Variants in IL5RA observed in about 807,000 individuals in gnomAD.
The protein encoded by IL5RA is interleukin 5 receptor subunit alpha.
IL5RA carries 49 observed loss-of-function variants against 50.0 expected under a neutral mutation model. That is an observed-to-expected ratio of 0.98 (90% CI 0.78 to 1.24). The LOEUF is 1.24. Among genes scored for constraint, IL5RA ranks in the 50% most tolerant of loss-of-function variants. The pLI, the probability that IL5RA is intolerant of heterozygous loss-of-function variation, is 0.00. For missense variants in IL5RA, 600 were observed against 500.4 expected (o/e 1.20, Z -1.90); for synonymous variants, 202 against 174.0 (o/e 1.16, Z -1.26).
intron 9 of IL5RA, among the ~76,000 whole-genome samples, chr3:3,090,764 A>C (rs1038377811): frequency 6.6e-6 from 1 of 151,820 alleles, no homozygotes; most frequent in Non-Finnish European, 1.5e-5. Context: ...TAGTAGAGAC[A>C]GGGTTTCACC....
chr3:3,090,344 G>A (rs971254296), intron 9 of IL5RA: 1 of 929,114 alleles, frequency 1.1e-6, no homozygotes, highest in Non-Finnish European at 1.7e-6. Context: ...TCTATGTAAG[G>A]CTCCAGTCTT....
At chr3:3,104,097 G>A (rs182502383) in intron 3 of IL5RA, among the ~76,000 whole-genome samples, 12 of 152,206 alleles carry the variant, frequency 7.9e-5, no homozygotes, top group Non-Finnish European at 1.8e-4. Flanking sequence ...GGAGGGCAGT[G>A]TTGTGCGATC....
At position 3,093,168 on chromosome 3, in the gene IL5RA, C is replaced by T. The variant is rs17879924; in HGVS notation, c.856-806G>A. 3.3e-3 allele frequency among the ~76,000 whole-genome samples: 498 copies of T among 152,274 alleles called. 1 individual carries two copies. The highest frequency in any genetic ancestry group is 0.011 in the African/African-American group (468 of 41,544). On this transcript the variant is annotated intron_variant, in intron 8 of 11. Coordinates refer to ENST00000446632, the MANE Select transcript of IL5RA (RefSeq NM_175726.4). ...TTTTTAGCAAAATCTTATAGAGCCA[C>T]TCTGGGAGAAATCACAATGTCAGAT...
chr3:3,074,685 C>T, intron 11 of IL5RA, 97 bp downstream of exon 11: 1 of 667,806 alleles, frequency 1.5e-6, no homozygotes, highest in South Asian at 1.9e-5. Context: ...GAGTAAAAAC[C>T]CTGCCTTATA....
At chr3:3,072,144 G>A (rs1702321492) in intron 11 of IL5RA, among the ~76,000 whole-genome samples, 1 of 152,210 alleles carries the variant, frequency 6.6e-6, no homozygotes, top group Non-Finnish European at 1.5e-5. Flanking sequence ...TTTTGTCCTT[G>A]GACGTGGAGG....
intron 1 of IL5RA, among the ~76,000 whole-genome samples, chr3:3,109,185 T>C (rs1704069624): frequency 1.3e-5 from 2 of 152,172 alleles, no homozygotes; most frequent in Admixed American, 6.5e-5. Context: ...TCTGTCTACA[T>C]GGAAATATGC....
intron 9 of IL5RA, among the ~76,000 whole-genome samples, chr3:3,078,067 T>C (rs545632147): frequency 1.3e-5 from 2 of 152,266 alleles, no homozygotes; most frequent in African/African-American, 4.8e-5. Flanking sequence ...TAGGAAAGAA[T>C]CACACTCAGC....
intron 2 of IL5RA, among the ~76,000 whole-genome samples, chr3:3,107,456 G>A (rs1001041900): frequency 2.0e-5 from 3 of 152,034 alleles, no homozygotes; most frequent in Non-Finnish European, 4.4e-5. Flanking sequence ...TTATGTAGAT[G>A]TCAACTGGGT....
intron 5 of IL5RA, 120 bp downstream of exon 5, chr3:3,101,572 A>G: frequency 1.1e-6 from 1 of 883,032 alleles, no homozygotes; most frequent in Non-Finnish European, 1.7e-6. Context: ...TTGATATGGG[A>G]GAGTACTTGA....
rs1431130142 is a variant in IL5RA at position 3,076,599 on chromosome 3, C to G, written c.1023G>C (p.Glu341Asp). 1.2e-6 allele frequency: 2 copies of G among 1,610,788 alleles called. No individual in the cohort carries two copies. Among genetic ancestry groups the G allele is most frequent in the African/African-American group, 2.7e-5 (2 of 74,854 alleles). The stretch of plus-strand genomic sequence containing the variant: ...TTGCCATAATCACAATGACAAACCA[C>G]TCTCTCAAGGGCTTGTGTTCATCAT... ...VGNDEHKPLR[E>D]WFVIVIMATI... Residue 341 changes from glutamate (E) to aspartate (D), a missense_variant, in exon 10 of 12, where the codon GAG becomes GAC. By Grantham distance (45) the Glu-to-Asp change is conservative (BLOSUM62 2). Transcript: ENST00000446632.
rs745503719 is a variant in IL5RA at position 3,101,707 on chromosome 3, G to C, written c.352C>G (p.Leu118Val). Reference protein sequence around the residue: ...LLASSWASAELHAPPGSPGTS... With the variant: ...LLASSWASAEVHAPPGSPGTS... Reference sequence around the variant, plus strand: ...CCTGCTTTACCTGGTGGGGCATGAAGTTCAGCAGAAGCCCAGCTGCTGGCC... The same window carrying C: ...CCTGCTTTACCTGGTGGGGCATGAACTTCAGCAGAAGCCCAGCTGCTGGCC... The change falls in exon 5 of 12, where the codon CTT (leucine) becomes GTT (valine). Residue 118 changes from leucine to valine, a missense_variant. Coordinates refer to ENST00000446632, the MANE Select transcript of IL5RA (RefSeq NM_175726.4). The C allele has an allele frequency of 1.2e-6, 2 of 1,614,082 alleles. No homozygotes were observed. The highest frequency in any genetic ancestry group is 1.7e-6 in the Non-Finnish European group (2 of 1,179,996).
chr3:3,101,023 A>G (rs1414460803), intron 5 of IL5RA, among the ~76,000 whole-genome samples: 1 of 147,578 alleles, frequency 6.8e-6, no homozygotes, highest in African/African-American at 2.5e-5. Context: ...TAATAATAAT[A>G]CAAAAATTAG....
chr3:3,074,684 C>A, intron 11 of IL5RA, 98 bp downstream of exon 11: 2 of 665,066 alleles, frequency 3.0e-6, no homozygotes, highest in South Asian at 1.9e-5. Flanking sequence ...TGAGTAAAAA[C>A]CCTGCCTTAT....
In IL5RA at chr3:3,108,682, G is replaced by A. The variant is rs552652161; in HGVS notation, c.-136C>T. The A allele has an allele frequency of 6.6e-6, 1 of 152,318 alleles. No individual in the cohort carries two copies. The highest frequency in any genetic ancestry group is 6.5e-5 in the Admixed American group (1 of 15,300). The allele number at this position is 152,318 out of a possible 1,614,324, so 9.4% of individuals were successfully genotyped here. On this transcript the variant is annotated 5_prime_UTR_variant, in exon 2 of 12. Coordinates refer to ENST00000446632, the MANE Select transcript of IL5RA (RefSeq NM_175726.4). ...GTCAGGCACAGGACCAATGCTCAAT[G>A]TGCCTGGCCCTGTGTGGAATAGAAG...
At chr3:3,107,817 G>A (rs1704001074) in intron 2 of IL5RA, among the ~76,000 whole-genome samples, 1 of 152,124 alleles carries the variant, frequency 6.6e-6, no homozygotes, top group South Asian at 2.1e-4. Context: ...CTTCCCTATA[G>A]GTGTTTCTAG....
rs113923722 is a variant in IL5RA, at chr3:3,101,881, G to A, written c.229-51C>T. On this transcript the variant is annotated intron_variant, in intron 4 of 11. Transcript: ENST00000446632. ...ATACATAAAAGAGAACTAGACTTAA[G>A]AGAGCTATTTTAATCAAATATGCAT... 880 of 1,512,322 alleles carry A rather than the reference G, an allele frequency of 5.8e-4. 6 individuals are homozygous for A. In the African/African-American group the frequency reaches 7.6e-3, roughly 13 times the overall value. 93.7% of individuals were successfully genotyped at this position (1,512,322 alleles called of 1,614,324 possible).
chr3:3,102,039 C>G (rs762229511), intron 4 of IL5RA, among the ~76,000 whole-genome samples: 1 of 152,202 alleles, frequency 6.6e-6, no homozygotes, highest in South Asian at 2.1e-4. Flanking sequence ...CTTGTAAATA[C>G]AAGCGAAATA....
chr3:3,068,614 A>AAAAAAAAAAAAAAAAG lies in IL5RA; in HGVS notation c.*1610_*1611insCTTTTTTTTTTTTTTT, dbSNP rs1559856794. 5.9e-5 allele frequency: 8 copies of AAAAAAAAAAAAAAAAG among 135,686 alleles called. No homozygotes were observed. Among genetic ancestry groups the AAAAAAAAAAAAAAAAG allele is most frequent in the African/African-American group, 2.2e-4 (8 of 37,114 alleles). The allele number at this position is 135,686 out of a possible 1,614,324, so 8.4% of individuals were successfully genotyped here. Reference sequence around the variant, plus strand: ...AAAAAAAAAAAAAAAAAAAACAAAAACAGGTTTGAGATTATGAATCATTTG... The same window carrying AAAAAAAAAAAAAAAAG: ...AAAAAAAAAAAAAAAAAAAACAAAAAAAAAAAAAAAAAAAAGCAGGTTTGAGATTATGAATCATTTG... On this transcript the variant is annotated 3_prime_UTR_variant, in exon 12 of 12. Coordinates refer to ENST00000446632, the MANE Select transcript of IL5RA (RefSeq NM_175726.4).
intron 9 of IL5RA, among the ~76,000 whole-genome samples, chr3:3,081,642 A>G (rs163546): frequency 0.31 from 47,066 of 152,132 alleles, 7,915 homozygotes; most frequent in African/African-American, 0.42. Flanking sequence ...TCTGACCATG[A>G]TTACAAAAAT....
Sources: allele counts gnomAD v4.1 joint callset (sites outside exome capture counted in the v4.1 genomes callset), GRCh38; gene constraint gnomAD v4.1.1; transcripts MANE v1.5; gene names NCBI Gene and HGNC (gene_info 2026-07-23, HGNC 2026-07-21).